Variants in SLC38A6 observed in about 807,000 individuals in gnomAD.
SLC38A6 encodes solute carrier family 38 member 6.
In SLC38A6, 73 loss-of-function variants were observed where a neutral mutation model predicts 65.0. That is an observed-to-expected ratio of 1.12 (90% CI 0.93 to 1.37). SLC38A6 has a LOEUF of 1.37. Among genes scored for constraint, SLC38A6 ranks in the 40% most tolerant of loss-of-function variants. SLC38A6 has a pLI of 0.00. For synonymous variants in SLC38A6, 183 were observed against 178.8 expected, an observed-to-expected ratio of 1.02 and a Z score of -0.19; for missense variants, 561 against 531.1, an observed-to-expected ratio of 1.06 and a Z score of -0.55.
In SLC38A6 at chr14:61,035,370, A is replaced by G. The variant is rs562644010; in HGVS notation, c.483-1689A>G. 3.9e-5 allele frequency among the ~76,000 whole-genome samples: 6 copies of G among 152,210 alleles called. No individual in the cohort carries two copies. The South Asian group carries it at 1.0e-3, about 26-fold the overall frequency. ...TATATTTATATCATCATCATTTTCC[A>G]TTTTATTCATTGTGTTTTTTCTTAA... is the stretch of plus-strand genomic sequence containing the variant. On this transcript the variant is annotated intron_variant, in intron 6 of 15. Coordinates refer to ENST00000267488, the MANE Select transcript of SLC38A6 (RefSeq NM_153811.3).
intron 16 of SLC38A6, chr14:61,083,487 G>C: frequency 4.0e-6 from 6 of 1,509,452 alleles, no homozygotes; most frequent in Non-Finnish European, 5.3e-6. Context: ...GGTCTTTAAA[G>C]AAGTAATTAA....
intron 2 of SLC38A6, 51 bp from the exon 3 acceptor site, chr14:60,984,679 C>T: frequency 6.4e-7 from 1 of 1,559,564 alleles, no homozygotes; most frequent in Non-Finnish European, 8.8e-7. Context: ...AGACACCATA[C>T]AAAAGACAAA....
intron 2 of SLC38A6, 79 bp from the exon 3 acceptor site, chr14:60,984,651 C>A (rs2037318864): frequency 2.7e-6 from 3 of 1,113,360 alleles, no homozygotes; most frequent in East Asian, 4.7e-5. Context: ...GACTGTTAAG[C>A]AATTTGTTTT....
At position 60,992,018 on chromosome 14, in the gene SLC38A6, T is replaced by C. The variant is rs559282234; in HGVS notation, c.310+7215T>C. Among the ~76,000 whole-genome samples, 5 of 152,304 alleles carry C rather than the reference T, an allele frequency of 3.3e-5. No homozygotes were observed. In the South Asian group the frequency reaches 6.2e-4, roughly 19 times the overall value. ...ATGTAGCGTTTATTAAAGGTGGCAA[T>C]GAGCCCAACTAAAAGTCAGGGTTCT... On this transcript the variant is annotated intron_variant, in intron 3 of 15. Coordinates refer to ENST00000267488, the MANE Select transcript of SLC38A6 (RefSeq NM_153811.3).
Position 61,043,484 on chromosome 14 carries a change from T to C in SLC38A6, c.725T>C (p.Leu242Pro). The C allele has an allele frequency of 6.2e-7, 1 of 1,608,090 alleles. No homozygotes were observed. Among genetic ancestry groups the C allele is most frequent in the Non-Finnish European group, 8.5e-7 (1 of 1,177,594 alleles). Residue 242 changes from leucine (L) to proline (P), a missense_variant, in exon 10 of 16, where the codon CTC becomes CCC. Physicochemically the swap from Leu to Pro is moderately conservative, Grantham distance 98 (BLOSUM62 -3). Coordinates refer to ENST00000267488, the MANE Select transcript of SLC38A6 (RefSeq NM_153811.3). ...SNVTDDCKPKLFHFSKESAYA... is the reference protein window; with the variant it reads ...SNVTDDCKPKPFHFSKESAYA... Reference sequence around the variant, plus strand: ...GTTACAGATGATTGTAAGCCAAAGCTCTTTCATTTCTCCAAAGAGGTGTGT... The same window carrying C: ...GTTACAGATGATTGTAAGCCAAAGCCCTTTCATTTCTCCAAAGAGGTGTGT...
At chr14:61,050,864 C>T (rs1307698042) in intron 13 of SLC38A6, among the ~76,000 whole-genome samples, 1 of 152,156 alleles carries the variant, frequency 6.6e-6, no homozygotes, top group Non-Finnish European at 1.5e-5. Flanking sequence ...TTTAGATTTA[C>T]GTTCTCCCAC....
chr14:61,083,189 T>C (rs913384608), intron 16 of SLC38A6, among the ~76,000 whole-genome samples: 3 of 152,154 alleles, frequency 2.0e-5, no homozygotes, highest in Admixed American at 1.3e-4. Flanking sequence ...GCAGCACCAG[T>C]GGGAGCCTAC....
rs2042124280 is a variant in SLC38A6 at position 61,046,000 on chromosome 14, G to C, written c.825-67G>C. 8 of 931,832 alleles carry C rather than the reference G, an allele frequency of 8.6e-6. No homozygotes were observed. In the South Asian group the frequency reaches 1.1e-4, roughly 13 times the overall value. 57.7% of individuals were successfully genotyped at this position (931,832 alleles called of 1,614,324 possible). A position where few individuals can be genotyped will look rare whatever the true frequency, so the allele number is the denominator to read the frequency against. On this transcript the variant is annotated intron_variant, in intron 11 of 15. Coordinates refer to ENST00000267488, the MANE Select transcript of SLC38A6 (RefSeq NM_153811.3). ...ATGAGGAATTCTCTCGACCAGCTTA[G>C]GACATACTTGTTTCTTTACATATAA...
In SLC38A6 at chr14:60,984,776, C is replaced by T. The variant is rs143132305; in HGVS notation, c.283C>T (p.Leu95Phe). 111 of 1,613,762 alleles carry T rather than the reference C, an allele frequency of 6.9e-5. No individual in the cohort carries two copies. Among genetic ancestry groups the T allele is most frequent in the Non-Finnish European group, 8.9e-5 (105 of 1,179,886 alleles). ...VALLASYSVH[L>F]LLSMCIQTAV... is the part of the protein sequence containing the mutation. ...TCTCCTGGCTTCTTACTCAGTCCAT[C>T]TTCTGCTTAGTATGTGTATTCAGAC... The change falls in exon 3 of 16, where the codon CTT (leucine) becomes TTT (phenylalanine). Residue 95 changes from leucine to phenylalanine, a missense_variant. By Grantham distance (22) the Leu-to-Phe change is conservative. Transcript: ENST00000267488.
At chr14:61,010,695 A>T (rs143240169) in intron 3 of SLC38A6, among the ~76,000 whole-genome samples, 1 of 152,076 alleles carries the variant, frequency 6.6e-6, no homozygotes, top group African/African-American at 2.4e-5. Flanking sequence ...ATAGTTGTAG[A>T]TATGCGACAT....
At chr14:61,074,955 T>G (rs1405115634) in intron 15 of SLC38A6, among the ~76,000 whole-genome samples, 2 of 152,156 alleles carry the variant, frequency 1.3e-5, no homozygotes, top group Non-Finnish European at 2.9e-5. Flanking sequence ...CTGTGAATTG[T>G]ATACTTTAAA....
chr14:61,007,441 G>A (rs2139436248), intron 3 of SLC38A6, among the ~76,000 whole-genome samples: 1 of 152,194 alleles, frequency 6.6e-6, no homozygotes, highest in South Asian at 2.1e-4. Flanking sequence ...ATTAACCTGG[G>A]CAACATAGTG....
intron 15 of SLC38A6, among the ~76,000 whole-genome samples, chr14:61,067,941 G>A (rs2043085116): frequency 6.6e-6 from 1 of 152,016 alleles, no homozygotes; most frequent in African/African-American, 2.4e-5. Context: ...TGTTAAATGA[G>A]ACAAGACTAA....
chr14:61,017,255 G>A (rs529601373), intron 4 of SLC38A6, among the ~76,000 whole-genome samples: 2 of 152,268 alleles, frequency 1.3e-5, no homozygotes, highest in East Asian at 1.9e-4. Context: ...GGTCAGGCTG[G>A]TCTGGGCCTC....
intron 10 of SLC38A6, among the ~76,000 whole-genome samples, chr14:61,044,806 T>G (rs1196934753): frequency 6.6e-6 from 1 of 152,192 alleles, no homozygotes; most frequent in Non-Finnish European, 1.5e-5. Flanking sequence ...TAAATGATAT[T>G]CATTCCCATT....
At chr14:61,027,010 C>A (rs896901146) in intron 5 of SLC38A6, among the ~76,000 whole-genome samples, 2 of 152,104 alleles carry the variant, frequency 1.3e-5, no homozygotes, top group African/African-American at 4.8e-5. Flanking sequence ...ATAATTAGAT[C>A]AGCAGATATT....
At chr14:61,013,832 C>G (rs1390951225) in intron 3 of SLC38A6, among the ~76,000 whole-genome samples, 3 of 152,160 alleles carry the variant, frequency 2.0e-5, no homozygotes, top group Non-Finnish European at 4.4e-5. Flanking sequence ...TCCTTCATTT[C>G]AACTTTGGTG....
intron 15 of SLC38A6, among the ~76,000 whole-genome samples, chr14:61,064,344 C>A (rs2042955929): frequency 6.6e-6 from 1 of 151,924 alleles, no homozygotes; most frequent in African/African-American, 2.4e-5. Flanking sequence ...CCAGTAATAC[C>A]AAAATAACCC....
intron 12 of SLC38A6, among the ~76,000 whole-genome samples, chr14:61,049,103 C>T (rs1417535549): frequency 6.6e-6 from 1 of 152,124 alleles, no homozygotes; most frequent in Non-Finnish European, 1.5e-5. Context: ...GTGATTGTAA[C>T]AGTAGCTGTT....
Sources: allele counts gnomAD v4.1 joint callset (sites outside exome capture counted in the v4.1 genomes callset), GRCh38; gene constraint gnomAD v4.1.1; transcripts MANE v1.5; gene names NCBI Gene and HGNC (gene_info 2026-07-23, HGNC 2026-07-21).